The following LPP variants were observed in gnomAD, a reference collection of about 807,000 sequenced individuals.
LPP encodes LIM domain containing preferred translocation partner in lipoma.
Under a neutral mutation model 60.4 loss-of-function variants are expected in LPP, and 38 were observed. The observed-to-expected ratio is 0.63, with a 90% CI of 0.49 to 0.83. The LOEUF is 0.83. LPP is among the 40% of genes least tolerant of loss of function. The pLI is 0.00. For missense variants in LPP, 902 were observed against 783.6 expected (o/e 1.15, Z -1.80); for synonymous variants, 328 against 290.8 (o/e 1.13, Z -1.30).
chr3:188,313,132 A>T lies in LPP; in HGVS notation c.-66-28531A>T, dbSNP rs565624921. On this transcript the variant is annotated intron_variant, in intron 2 of 11. Transcript: ENST00000617246. Reference sequence around the variant, plus strand: ...CATGTACCCCAGAACTTAAAATATTAAAAAAAAGAAAAAAAAAAGAATTTG... The same window carrying T: ...CATGTACCCCAGAACTTAAAATATTTAAAAAAAGAAAAAAAAAAGAATTTG... Among the ~76,000 whole-genome samples, 3 of 111,974 alleles carry T rather than the reference A, an allele frequency of 2.7e-5. No homozygotes were observed. The South Asian group carries it at 8.9e-4, about 33-fold the overall frequency. The allele number at this position is 111,974 out of a possible 152,430, so 73.5% of individuals were successfully genotyped here. A position where few individuals can be genotyped will look rare whatever the true frequency, so the allele number is the denominator to read the frequency against.
intron 8 of LPP, chr3:188,712,238 G>C (rs902044653): frequency 6.6e-6 from 1 of 152,250 alleles, no homozygotes; most frequent in Non-Finnish European, 1.5e-5. Flanking sequence ...AGAGGCAAAG[G>C]ACTAGTGAAA....
intron 5 of LPP, among the ~76,000 whole-genome samples, chr3:188,499,879 A>G (rs1377072309): frequency 1.3e-5 from 2 of 152,112 alleles, no homozygotes; most frequent in Non-Finnish European, 2.9e-5. Flanking sequence ...ATGCTATTGT[A>G]TATGGAATGA....
intron 8 of LPP, among the ~76,000 whole-genome samples, chr3:188,752,322 G>A (rs906071651): frequency 3.3e-5 from 5 of 152,126 alleles, no homozygotes; most frequent in South Asian, 2.1e-4. Context: ...TAGTGAGTGC[G>A]TCTACTCAGC....
chr3:188,480,525 G>T (rs945633250), intron 4 of LPP, among the ~76,000 whole-genome samples: 5 of 152,180 alleles, frequency 3.3e-5, no homozygotes, highest in African/African-American at 1.2e-4. Flanking sequence ...ATGAGTGGAG[G>T]AGTATGGAGG....
At chr3:188,506,193 G>A (rs2149946307) in intron 5 of LPP, among the ~76,000 whole-genome samples, 1 of 152,282 alleles carries the variant, frequency 6.6e-6, no homozygotes, top group Non-Finnish European at 1.5e-5. Context: ...GTGGTGGCAT[G>A]AGCCCAGGGT....
At chr3:188,312,277 A>G (rs1753707760) in intron 2 of LPP, among the ~76,000 whole-genome samples, 1 of 152,152 alleles carries the variant, frequency 6.6e-6, no homozygotes, top group Admixed American at 6.5e-5. Context: ...ACACCATTTG[A>G]AATGAGCCGT....
chr3:188,768,596 C>A (rs571902218), intron 9 of LPP, among the ~76,000 whole-genome samples: 14 of 152,058 alleles, frequency 9.2e-5, no homozygotes, highest in African/African-American at 3.1e-4. Flanking sequence ...AAAACAAAAA[C>A]AATGGCAATG....
At chr3:188,300,454 A>ATTTTT (rs34492581) in intron 2 of LPP, among the ~76,000 whole-genome samples, 13 of 125,198 alleles carry the variant, frequency 1.0e-4, no homozygotes, top group African/African-American at 3.7e-4. Flanking sequence ...ACACTTGGCC[A>ATTTTT]TTTTTTTTTT....
At chr3:188,156,853 C>CCG (rs1553796789) in intron 1 of LPP, among the ~76,000 whole-genome samples, 2 of 151,094 alleles carry the variant, frequency 1.3e-5, no homozygotes, top group East Asian at 4.0e-4. Flanking sequence ...TGCGCCCCAC[C>CCG]CCCCCAAGAA....
chr3:188,618,848 G>T (rs896940242), intron 7 of LPP, among the ~76,000 whole-genome samples: 1 of 152,066 alleles, frequency 6.6e-6, no homozygotes, highest in Non-Finnish European at 1.5e-5. Flanking sequence ...ATTTAAAGAT[G>T]ATTGTAAAAC....
intron 2 of LPP, among the ~76,000 whole-genome samples, chr3:188,241,365 T>C (rs142333422): frequency 6.6e-6 from 1 of 152,330 alleles, no homozygotes; most frequent in Non-Finnish European, 1.5e-5. Context: ...GCCTGCTGTG[T>C]TTGTGTGAGA....
At chr3:188,521,354 C>T (rs1818815787) in intron 5 of LPP, among the ~76,000 whole-genome samples, 1 of 152,070 alleles carries the variant, frequency 6.6e-6, no homozygotes, top group African/African-American at 2.4e-5. Flanking sequence ...GTCTTACAAG[C>T]ACAGACTGGT....
intron 2 of LPP, among the ~76,000 whole-genome samples, chr3:188,271,654 T>G (rs910682208): frequency 1.3e-5 from 2 of 152,220 alleles, no homozygotes; most frequent in African/African-American, 2.4e-5. Flanking sequence ...TGTAGTCTAT[T>G]TTCAACAGAC....
At chr3:188,224,477 C>T (rs1428247081) in intron 1 of LPP, among the ~76,000 whole-genome samples, 1 of 152,062 alleles carries the variant, frequency 6.6e-6, no homozygotes. Context: ...ATAATAGTTG[C>T]TAATGAAATA....
At chr3:188,504,288 T>C (rs1812812805) in intron 5 of LPP, among the ~76,000 whole-genome samples, 1 of 152,160 alleles carries the variant, frequency 6.6e-6, no homozygotes, top group Non-Finnish European at 1.5e-5. Context: ...TGCTTTTTTT[T>C]CTTTTTCTGT....
chr3:188,366,308 A>G (rs975007949), intron 3 of LPP, among the ~76,000 whole-genome samples: 3 of 152,216 alleles, frequency 2.0e-5, no homozygotes, highest in African/African-American at 7.2e-5. Flanking sequence ...GATCGATTCC[A>G]CATCCTGGCT....
intron 6 of LPP, among the ~76,000 whole-genome samples, chr3:188,571,998 A>C (rs545276145): frequency 6.6e-6 from 1 of 152,224 alleles, no homozygotes; most frequent in South Asian, 2.1e-4. Context: ...TATGGAGATT[A>C]GTGACTTGGA....
intron 5 of LPP, among the ~76,000 whole-genome samples, chr3:188,485,666 G>A (rs370688540): frequency 7.3e-5 from 11 of 150,470 alleles, no homozygotes; most frequent in African/African-American, 2.2e-4. Flanking sequence ...GCGTAGTGGC[G>A]GGCGCCTGTA....
intron 3 of LPP, among the ~76,000 whole-genome samples, chr3:188,376,842 A>C (rs1775267135): frequency 6.6e-6 from 1 of 152,112 alleles, no homozygotes; most frequent in Non-Finnish European, 1.5e-5. Context: ...AGTGGCTGGT[A>C]CTGGTTGTTC....
Sources: gnomAD v4.1 joint callset for allele counts (sites outside exome capture counted in the v4.1 genomes callset) on GRCh38, gnomAD v4.1.1 for gene constraint, MANE v1.5 for transcripts, NCBI Gene and HGNC (gene_info 2026-07-23, HGNC 2026-07-21) for gene names.